The following ARHGEF10 variants were observed in gnomAD, a reference collection of about 807,000 sequenced individuals.
ARHGEF10 encodes the protein Rho guanine nucleotide exchange factor (GEF) 10.
A neutral mutation model predicts 147.4 loss-of-function variants in ARHGEF10; 140 were observed. That is an observed-to-expected ratio of 0.95 (90% CI 0.83 to 1.09). The LOEUF is 1.09. ARHGEF10 is among the 50% of genes least tolerant of loss of function. The pLI is 0.00. For missense variants in ARHGEF10, 2,222 were observed against 1,752.7 expected, an observed-to-expected ratio of 1.27 and a Z score of -4.78; for synonymous variants, 902 against 695.8, an observed-to-expected ratio of 1.30 and a Z score of -4.67.
In ARHGEF10 at chr8:1,928,608, C is replaced by T. The variant is rs565034431; in HGVS notation, c.2879C>T (p.Ala960Val). The change falls in exon 24 of 29, where the codon GCT (alanine) becomes GTT (valine). Residue 960 changes from alanine to valine, a missense_variant. Transcript: ENST00000349830. ...GACCCCGAGACCCCGGCCGTGAGAGCTTCTGATGTCCCCACGATCTGTGTA... is the reference window on the plus strand; with the variant it reads ...GACCCCGAGACCCCGGCCGTGAGAGTTTCTGATGTCCCCACGATCTGTGTA... Reference protein sequence around the residue: ...PPDPETPAVRASDVPTICVGT... With the variant: ...PPDPETPAVRVSDVPTICVGT... The T allele has an allele frequency of 8.1e-6, 13 of 1,614,068 alleles. No homozygotes were observed. The highest frequency in any genetic ancestry group is 1.1e-5 in the Non-Finnish European group (13 of 1,180,042).
At chr8:1,834,463 C>A (rs556348401) in intron 1 of ARHGEF10, among the ~76,000 whole-genome samples, 1 of 152,120 alleles carries the variant, frequency 6.6e-6, no homozygotes, top group Admixed American at 6.5e-5. Context: ...GGGTGCCATG[C>A]GCCCTGAGAC....
chr8:1,829,338 G>C (rs571192089), intron 1 of ARHGEF10, among the ~76,000 whole-genome samples: 1 of 152,402 alleles, frequency 6.6e-6, no homozygotes, highest in Non-Finnish European at 1.5e-5. Context: ...GGCGGGGTCA[G>C]CGGCATGGAA....
chr8:1,850,156 AC>A (rs1563174428), intron 2 of ARHGEF10, among the ~76,000 whole-genome samples: 377 of 21,346 alleles, frequency 0.018, 58 homozygotes, highest in Admixed American at 0.029. Flanking sequence ...TGGGGCGGCC[AC>A]GTGGACACAG....
chr8:1,859,538 C>T (rs188840423), intron 3 of ARHGEF10, among the ~76,000 whole-genome samples: 128 of 134,604 alleles, frequency 9.5e-4, no homozygotes, highest in African/African-American at 3.3e-3. Flanking sequence ...GTTTGCATGG[C>T]GTTTCTTTGT....
intron 28 of ARHGEF10, among the ~76,000 whole-genome samples, chr8:1,954,693 A>G (rs1206183509): frequency 6.6e-6 from 1 of 152,210 alleles, no homozygotes; most frequent in African/African-American, 2.4e-5. Context: ...ACCCTAGGAA[A>G]TGATGATGCT....
chr8:1,839,158 G>A lies in ARHGEF10; in HGVS notation c.-47-4195G>A, dbSNP rs536676583. 2.3e-3 allele frequency among the ~76,000 whole-genome samples: 316 copies of A among 139,412 alleles called. 2 individuals are homozygous for A. The highest frequency in any genetic ancestry group is 7.9e-3 in the African/African-American group (276 of 34,818). 91.5% of individuals were successfully genotyped at this position (139,412 alleles called of 152,430 possible). A position where few individuals can be genotyped will look rare whatever the true frequency, so the allele number is the denominator to read the frequency against. ...AAACTGTCTGGTATGGGGACTGTCC[G>A]GTGTGGGGACAGTCTGGTGTGGGGA... On this transcript the variant is annotated intron_variant, in intron 1 of 28. Coordinates refer to ENST00000349830, the MANE Select transcript of ARHGEF10 (RefSeq NM_014629.4).
At chr8:1,934,061 A>G (rs1813369970) in intron 26 of ARHGEF10, 119 bp downstream of exon 26, 1 of 1,354,484 alleles carries the variant, frequency 7.4e-7, no homozygotes, top group Non-Finnish European at 1.0e-6. Context: ...CTAGCCGGGC[A>G]CAGTGGCTCA....
At chr8:1,944,395 C>T (rs1036133308) in intron 26 of ARHGEF10, among the ~76,000 whole-genome samples, 50 of 152,228 alleles carry the variant, frequency 3.3e-4, no homozygotes, top group Non-Finnish European at 4.0e-4. Context: ...AAATAAGAGG[C>T]GATGCCATGG....
Position 1,885,475 on chromosome 8 carries a change from G to A in ARHGEF10, c.1076-126G>A, listed in dbSNP as rs73671024. ...AAATTCAACTTAATAATAGCTGGGTGTCAAGTAAGCATGGAAAATTGAAAG... is the reference window on the plus strand; with the variant it reads ...AAATTCAACTTAATAATAGCTGGGTATCAAGTAAGCATGGAAAATTGAAAG... On this transcript the variant is annotated intron_variant, in intron 10 of 28. Coordinates refer to ENST00000349830, the MANE Select transcript of ARHGEF10 (RefSeq NM_014629.4). 633 of 687,092 alleles carry A rather than the reference G, an allele frequency of 9.2e-4. 2 individuals carry two copies. In the African/African-American group the frequency reaches 0.01, roughly 11 times the overall value. The allele number at this position is 687,092 out of a possible 1,614,324, so 42.6% of individuals were successfully genotyped here. A position where few individuals can be genotyped will look rare whatever the true frequency, so the allele number is the denominator to read the frequency against.
At chr8:1,905,205 G>A (rs1810786710) in intron 16 of ARHGEF10, among the ~76,000 whole-genome samples, 1 of 152,188 alleles carries the variant, frequency 6.6e-6, no homozygotes, top group Non-Finnish European at 1.5e-5. Context: ...GCGTCTTTCT[G>A]AAGAACTGAT....
In ARHGEF10 at chr8:1,905,571, C is replaced by T. The variant is rs960861403; in HGVS notation, c.1822C>T (p.Leu608Phe). The change falls in exon 17 of 29, where the codon CTT becomes TTT. Residue 608 changes from leucine (L) to phenylalanine (F), a missense_variant and splice_region_variant. Physicochemically the swap from Leu to Phe is conservative, Grantham distance 22. Coordinates refer to ENST00000349830, the MANE Select transcript of ARHGEF10 (RefSeq NM_014629.4). ...CCTGGGCTGTGTTTTGAATGTCCAG[C>T]TTCTCAGCAGTGGAAGCCGATACCT... is the stretch of plus-strand genomic sequence containing the variant. ...KAINERYLNK[L>F]LSSGSRYLIR... 1.2e-6 allele frequency: 2 copies of T among 1,614,072 alleles called. No homozygotes were observed. The highest frequency in any genetic ancestry group is 1.3e-5 in the African/African-American group (1 of 74,918).
At chr8:1,882,954 C>T (rs897985361) in intron 10 of ARHGEF10, among the ~76,000 whole-genome samples, 1 of 152,262 alleles carries the variant, frequency 6.6e-6, no homozygotes, top group Admixed American at 6.5e-5. Context: ...ACCGAGGGCA[C>T]CCAGCAGCAG....
At chr8:1,835,564 A>G (rs1347092021) in intron 1 of ARHGEF10, among the ~76,000 whole-genome samples, 3 of 152,172 alleles carry the variant, frequency 2.0e-5, no homozygotes, top group Non-Finnish European at 4.4e-5. Context: ...TGCCGTCCCG[A>G]AGCACTGACT....
At chr8:1,858,240 G>GT (rs1229862503) in intron 3 of ARHGEF10, 125 bp downstream of exon 3, 3 of 858,586 alleles carry the variant, frequency 3.5e-6, no homozygotes, top group Non-Finnish European at 5.4e-6. Flanking sequence ...CCCCAGGTGG[G>GT]TCCCCAGGTG....
intron 3 of ARHGEF10, among the ~76,000 whole-genome samples, chr8:1,858,539 A>C (rs548464029): frequency 3.0e-4 from 45 of 152,352 alleles, no homozygotes; most frequent in Non-Finnish European, 6.2e-4. Context: ...ATTTCCCAAT[A>C]AGAATGACCT....
In ARHGEF10 at chr8:1,876,781, C is replaced by T. The variant is rs150727103; in HGVS notation, c.843+47C>T. On this transcript the variant is annotated intron_variant, in intron 8 of 28. Coordinates refer to ENST00000349830, the MANE Select transcript of ARHGEF10 (RefSeq NM_014629.4). The stretch of plus-strand genomic sequence containing the variant: ...GAGGGATGGTTCTCTCGCGTTAACA[C>T]GGACAGGGGGCTGTGAATATGATTG... 8.4e-4 allele frequency: 1,333 copies of T among 1,594,266 alleles called. 11 individuals carry two copies. The African/African-American group carries it at 0.011, about 13-fold the overall frequency.
chr8:1,901,291 C>G lies in ARHGEF10; in HGVS notation c.1651-1990C>G, dbSNP rs541084378. On this transcript the variant is annotated intron_variant, in intron 15 of 28. Transcript: ENST00000349830. ...GACAGTGTGGAGAGGCCTGGACACC[C>G]TCTGTCCCCTTCCTCCCAGTGACTC... Among the ~76,000 whole-genome samples the G allele has an allele frequency of 6.6e-5, 10 of 152,188 alleles. No homozygotes were observed. In the South Asian group the frequency reaches 1.5e-3, roughly 22 times the overall value.
At chr8:1,947,354 C>G (rs1585647702) in intron 27 of ARHGEF10, among the ~76,000 whole-genome samples, 1 of 152,310 alleles carries the variant, frequency 6.6e-6, no homozygotes, top group African/African-American at 2.4e-5. Flanking sequence ...CACGGTTACC[C>G]TGGTTTCAGA....
chr8:1,881,868 G>C (rs1808227737), intron 9 of ARHGEF10, among the ~76,000 whole-genome samples: 1 of 152,190 alleles, frequency 6.6e-6, no homozygotes, highest in Non-Finnish European at 1.5e-5. Context: ...TGTCCCATAA[G>C]AGATCATCTT....
Sources: gnomAD v4.1 joint callset for allele counts (sites outside exome capture counted in the v4.1 genomes callset) on GRCh38, gnomAD v4.1.1 for gene constraint, MANE v1.5 for transcripts, NCBI Gene and HGNC (gene_info 2026-07-23, HGNC 2026-07-21) for gene names.